ZNF420: variants seen among roughly 807,000 people sequenced by gnomAD.
ZNF420 encodes the protein ATM and p53-associated KZNF protein.
In ZNF420, 31 loss-of-function variants were observed where a neutral mutation model predicts 44.7. That is an observed-to-expected ratio of 0.69 (90% CI 0.52 to 0.94). ZNF420 has a LOEUF of 0.94. Ranked by LOEUF, ZNF420 falls within the 40% of genes least tolerant of loss-of-function variation. The pLI, the probability that ZNF420 is intolerant of heterozygous loss-of-function variation, is 0.00. For synonymous variants in ZNF420, 245 were observed against 267.4 expected, an observed-to-expected ratio of 0.92 and a Z score of 0.82; for missense variants, 681 against 827.9, an observed-to-expected ratio of 0.82 and a Z score of 2.18.
At chr19:37,017,224 G>A (rs2146377444) in intron 1 of ZNF420, among the ~76,000 whole-genome samples, 1 of 152,304 alleles carries the variant, frequency 6.6e-6, no homozygotes, top group East Asian at 1.9e-4. Context: ...GTGACATCTG[G>A]ACTTGTGATT....
intron 4 of ZNF420, among the ~76,000 whole-genome samples, chr19:37,117,217 C>T (rs1188799416): frequency 1.3e-5 from 2 of 152,214 alleles, no homozygotes; most frequent in Non-Finnish European, 2.9e-5. Context: ...TAGGGGCAGA[C>T]TGACACCTCA....
At chr19:37,031,282 GCAAA>G (rs1329241478) in intron 1 of ZNF420, among the ~76,000 whole-genome samples, 4 of 152,072 alleles carry the variant, frequency 2.6e-5, no homozygotes, top group Admixed American at 1.3e-4. Flanking sequence ...TGTGAAATTT[GCAAA>G]CAAAGATGTG....
At chr19:37,012,211 A>G (rs2146368939) in intron 1 of ZNF420, among the ~76,000 whole-genome samples, 1 of 152,266 alleles carries the variant, frequency 6.6e-6, no homozygotes. Flanking sequence ...CGCCTCTCTC[A>G]ACGAAGCCCG....
At chr19:37,097,494 CATTCTT>C (rs1969525877) in intron 4 of ZNF420, among the ~76,000 whole-genome samples, 1 of 152,022 alleles carries the variant, frequency 6.6e-6, no homozygotes, top group African/African-American at 2.4e-5. Context: ...GAAAACAAAT[CATTCTT>C]ATCTTTTCTC....
At chr19:37,057,393 G>A (rs1967777496) in intron 1 of ZNF420, among the ~76,000 whole-genome samples, 1 of 151,916 alleles carries the variant, frequency 6.6e-6, no homozygotes, top group South Asian at 2.1e-4. Context: ...AAAGCCTCAG[G>A]GGTTGCCTGG....
intron 1 of ZNF420, among the ~76,000 whole-genome samples, chr19:37,041,570 C>T: frequency 6.6e-6 from 1 of 152,140 alleles, no homozygotes; most frequent in East Asian, 1.9e-4. Flanking sequence ...AGCAATCTGT[C>T]TTCTCAAGAT....
At chr19:37,099,987 G>A (rs1400655043) in intron 4 of ZNF420, among the ~76,000 whole-genome samples, 1 of 152,056 alleles carries the variant, frequency 6.6e-6, no homozygotes, top group Non-Finnish European at 1.5e-5. Context: ...GATGTAGTAT[G>A]TTTATCTGTT....
chr19:37,053,484 T>C (rs1967680576), intron 1 of ZNF420, among the ~76,000 whole-genome samples: 1 of 152,232 alleles, frequency 6.6e-6, no homozygotes, highest in African/African-American at 2.4e-5. Flanking sequence ...TCCCCATCTT[T>C]GTGGTTTTAT....
chr19:37,024,575 G>A (rs1406461578), intron 1 of ZNF420, among the ~76,000 whole-genome samples: 1 of 151,954 alleles, frequency 6.6e-6, no homozygotes, highest in Non-Finnish European at 1.5e-5. Context: ...TCAGCCTCTC[G>A]AGTAGCTGGG....
intron 1 of ZNF420, among the ~76,000 whole-genome samples, chr19:37,059,587 C>G (rs969843824): frequency 6.6e-6 from 1 of 152,122 alleles, no homozygotes; most frequent in Admixed American, 6.5e-5. Flanking sequence ...GGGGAAGCGG[C>G]GCGGCATCCC....
At chr19:37,041,901 C>A (rs1967459087) in intron 1 of ZNF420, among the ~76,000 whole-genome samples, 1 of 152,196 alleles carries the variant, frequency 6.6e-6, no homozygotes, top group Admixed American at 6.5e-5. Context: ...TTGCTAAATT[C>A]AACTGTCAAT....
chr19:37,099,097 T>A (rs1969617622), intron 4 of ZNF420, among the ~76,000 whole-genome samples: 1 of 152,224 alleles, frequency 6.6e-6, no homozygotes, highest in Non-Finnish European at 1.5e-5. Flanking sequence ...GGACACTGAG[T>A]TCGAGTCCAT....
At chr19:37,007,959 AACGACAGG>A (rs2074541126) in exon 1 of ZNF420, 1 of 164,220 alleles carries the variant, frequency 6.1e-6, no homozygotes, top group Admixed American at 6.4e-5. Context: ...AGGTCGACAG[AACGACAGG>A]ACGTTCTCCG....
chr19:37,097,771 A>G (rs984591534), intron 4 of ZNF420, among the ~76,000 whole-genome samples: 1 of 152,182 alleles, frequency 6.6e-6, no homozygotes, highest in South Asian at 2.1e-4. Context: ...ATGATGTGTT[A>G]TGCCTTAAAT....
At chr19:37,053,658 G>C (rs983210987) in intron 1 of ZNF420, among the ~76,000 whole-genome samples, 1 of 152,202 alleles carries the variant, frequency 6.6e-6, no homozygotes, top group Admixed American at 6.5e-5. Flanking sequence ...ATCAGCAGTG[G>C]AGGCTGCCGA....
chr19:37,053,125 G>T (rs910200055), intron 1 of ZNF420, among the ~76,000 whole-genome samples: 1 of 152,092 alleles, frequency 6.6e-6, no homozygotes, highest in Non-Finnish European at 1.5e-5. Context: ...TCTTCCATCA[G>T]TGATACCCTT....
chr19:37,028,344 A>C (rs1328363868), intron 1 of ZNF420, among the ~76,000 whole-genome samples: 2 of 152,208 alleles, frequency 1.3e-5, no homozygotes, highest in Non-Finnish European at 2.9e-5. Context: ...GTCACATAAA[A>C]TGTGGTCTAC....
At chr19:37,084,048 GAT>G (rs1413337857) in intron 2 of ZNF420, among the ~76,000 whole-genome samples, 8 of 152,042 alleles carry the variant, frequency 5.3e-5, no homozygotes, top group Non-Finnish European at 1.2e-4. Flanking sequence ...GATTCTCACT[GAT>G]ATATGTGTGT....
chr19:37,118,214 A>G (rs2145272859), intron 4 of ZNF420, among the ~76,000 whole-genome samples: 1 of 152,358 alleles, frequency 6.6e-6, no homozygotes, highest in Non-Finnish European at 1.5e-5. Context: ...TGTTAAGGGC[A>G]GCCAGAGAGA....
Sources: allele counts gnomAD v4.1 joint callset (sites outside exome capture counted in the v4.1 genomes callset), GRCh38; gene constraint gnomAD v4.1.1; transcripts MANE v1.5; gene names NCBI Gene and HGNC (gene_info 2026-07-23, HGNC 2026-07-21).